Variants in IQGAP3 observed in about 807,000 individuals in gnomAD.
IQGAP3 encodes the protein ras GTPase-activating-like protein IQGAP3.
A neutral mutation model predicts 208.2 loss-of-function variants in IQGAP3; 165 were observed. The observed-to-expected ratio is 0.79, with a 90% confidence interval of 0.70 to 0.90. The LOEUF (loss-of-function observed/expected upper bound fraction) is 0.90, where lower values mean the gene tolerates loss of function less well. IQGAP3 is among the 40% of genes least tolerant of loss of function. The pLI is 0.00. For synonymous variants in IQGAP3, 703 were observed against 803.6 expected (o/e 0.87, Z 2.12); for missense variants, 1,811 against 2,043.1 (o/e 0.89, Z 2.19).
chr1:156,527,106 C>T (rs376585846), intron 37 of IQGAP3, among the ~76,000 whole-genome samples: 17 of 151,392 alleles, frequency 1.1e-4, no homozygotes, highest in Admixed American at 9.2e-4. Flanking sequence ...GCTGGGATTA[C>T]AGGCGTGAGC....
chr1:156,563,087 C>T, intron 8 of IQGAP3, 47 bp downstream of exon 8: 1 of 1,497,382 alleles, frequency 6.7e-7, no homozygotes, highest in Non-Finnish European at 9.0e-7. Flanking sequence ...TTGAGACTTT[C>T]CAGCCACTCA....
intron 19 of IQGAP3, among the ~76,000 whole-genome samples, chr1:156,546,751 G>C (rs935354898): frequency 6.6e-6 from 1 of 152,166 alleles, no homozygotes; most frequent in Admixed American, 6.5e-5. Flanking sequence ...AGGACCAGGA[G>C]GCAAACTCTA....
At chr1:156,563,392 A>G in intron 7 of IQGAP3, 80 bp from the exon 8 acceptor site, 2 of 1,454,566 alleles carry the variant, frequency 1.4e-6, no homozygotes, top group Admixed American at 4.3e-5. Flanking sequence ...GCCCACTCTA[A>G]TGTCATCCTT....
intron 12 of IQGAP3, among the ~76,000 whole-genome samples, chr1:156,556,060 T>C (rs369765620): frequency 1.3e-5 from 2 of 152,236 alleles, no homozygotes; most frequent in East Asian, 1.9e-4. Context: ...TCTGCTCTTC[T>C]CTCCCTGTGT....
At chr1:156,549,221 G>A (rs980242406) in intron 16 of IQGAP3, among the ~76,000 whole-genome samples, 11 of 152,206 alleles carry the variant, frequency 7.2e-5, no homozygotes, top group African/African-American at 2.7e-4. Context: ...AGCTCTTTGG[G>A]AGGCTTAGGC....
intron 34 of IQGAP3, among the ~76,000 whole-genome samples, chr1:156,529,647 G>A (rs748518039): frequency 6.6e-6 from 1 of 151,998 alleles, no homozygotes; most frequent in Non-Finnish European, 1.5e-5. Flanking sequence ...TTGGCTGGGT[G>A]CAGTGGCTCA....
chr1:156,529,238 C>A (rs1674262214), intron 34 of IQGAP3, among the ~76,000 whole-genome samples, 156 bp from the exon 35 acceptor site: 1 of 152,218 alleles, frequency 6.6e-6, no homozygotes, highest in Non-Finnish European at 1.5e-5. Flanking sequence ...GATGGTATTC[C>A]AAATCCTCAA....
At position 156,538,847 on chromosome 1, in the gene IQGAP3, G is replaced by A. The variant is rs1674835212; in HGVS notation, c.3243C>T (p.Asn1081=). The change falls in exon 26 of 38, where the codon AAC becomes AAT. Residue 1081 remains asparagine, a synonymous_variant. Transcript: ENST00000361170. The stretch of plus-strand genomic sequence containing the variant: ...TCTGGGCCTCAGTCTGGTTGATCCA[G>A]TTCTTATAGAGGTGGACAGGGTCTG... ...VHTDPVHLYK[N]WINQTEAQTG... The A allele has an allele frequency of 4.3e-6, 7 of 1,614,062 alleles. No individual in the cohort carries two copies. The highest frequency in any genetic ancestry group is 3.3e-5 in the South Asian group (3 of 91,078).
rs1267437861 is a variant in IQGAP3, at chr1:156,555,550, ATGT to A, written c.1290+980_1290+982del. Reference sequence around the variant, plus strand: ...CCCCTTCCTATTTTCTCCTAACAGAATGTTGTGAATATCAACAACAATAATATT... The same window carrying A: ...CCCCTTCCTATTTTCTCCTAACAGAATGTGAATATCAACAACAATAATATT... On this transcript the variant is annotated intron_variant, in intron 12 of 37. Transcript: ENST00000361170. Among the ~76,000 whole-genome samples the A allele has an allele frequency of 3.9e-5, 6 of 152,222 alleles. No homozygotes were observed. The South Asian group carries it at 1.2e-3, about 32-fold the overall frequency.
chr1:156,530,876 C>A lies in IQGAP3; in HGVS notation c.4191+284G>T, dbSNP rs537674989. The stretch of plus-strand genomic sequence containing the variant: ...GTGCAGGCCTTCCAGGGGAGCATTC[C>A]CAGACGGTCTCTCAGTGCCCCCCAT... On this transcript the variant is annotated intron_variant, in intron 33 of 37. Coordinates refer to ENST00000361170, the MANE Select transcript of IQGAP3 (RefSeq NM_178229.5). Among the ~76,000 whole-genome samples the A allele has an allele frequency of 2.8e-4, 43 of 152,300 alleles. No homozygotes were observed. The South Asian group carries it at 4.4e-3, about 15-fold the overall frequency.
intron 12 of IQGAP3, among the ~76,000 whole-genome samples, chr1:156,555,564 A>T (rs1675787532): frequency 6.6e-6 from 1 of 152,172 alleles, no homozygotes; most frequent in Admixed American, 6.5e-5. Context: ...TGTGAATATC[A>T]ACAACAATAA....
chr1:156,548,100 G>A lies in IQGAP3; in HGVS notation c.2277C>T (p.Thr759=), dbSNP rs1303752227. 3 of 1,613,528 alleles carry A rather than the reference G, an allele frequency of 1.9e-6. No homozygotes were observed. In the African/African-American group the frequency reaches 4.0e-5, roughly 22 times the overall value. The change falls in exon 19 of 38, where the codon ACC becomes ACT. Residue 759 remains threonine (T), a synonymous_variant. Transcript: ENST00000361170. ...KFAEHSHFLR[T]WLPAVIKIQA... Reference sequence around the variant, plus strand: ...GGATCTTGATGACTGCTGGGAGCCAGGTCCTCAGAAAGTGGGAATGCTCAG... The same window carrying A: ...GGATCTTGATGACTGCTGGGAGCCAAGTCCTCAGAAAGTGGGAATGCTCAG...
At chr1:156,538,281 C>T (rs867660884) in intron 26 of IQGAP3, among the ~76,000 whole-genome samples, 1 of 152,170 alleles carries the variant, frequency 6.6e-6, no homozygotes, top group African/African-American at 2.4e-5. Flanking sequence ...AGGATAGTCT[C>T]GATCTCCTGA....
At chr1:156,536,958 C>T (rs1182857183) in intron 27 of IQGAP3, 3 of 411,908 alleles carry the variant, frequency 7.3e-6, no homozygotes, top group South Asian at 1.3e-4. Context: ...CCACTGACAT[C>T]CTACCAGGCC....
intron 22 of IQGAP3, among the ~76,000 whole-genome samples, chr1:156,542,337 C>T (rs2102387047): frequency 6.6e-6 from 1 of 152,032 alleles, no homozygotes; most frequent in South Asian, 2.1e-4. Context: ...TTACAGGTAC[C>T]TGTCACCATG....
rs888574154 is a variant in IQGAP3, at chr1:156,563,398, TC to T, written c.620-87del. On this transcript the variant is annotated intron_variant, in intron 7 of 37. Coordinates refer to ENST00000361170, the MANE Select transcript of IQGAP3 (RefSeq NM_178229.5). ...CCAGTAGCAGCCCACTCTAATGTCA[TC>T]CTTTTTCCCACCCTCAAGGGCCAGA... 1.5e-5 allele frequency: 22 copies of T among 1,439,682 alleles called. No homozygotes were observed. The African/African-American group carries it at 3.0e-4, about 20-fold the overall frequency. 89.2% of individuals were successfully genotyped at this position (1,439,682 alleles called of 1,614,324 possible).
chr1:156,530,096 G>A lies in IQGAP3; in HGVS notation c.4404+9C>T. 5.7e-6 allele frequency: 9 copies of A among 1,586,360 alleles called. No homozygotes were observed. Among genetic ancestry groups the A allele is most frequent in the Non-Finnish European group, 7.7e-6 (9 of 1,165,240 alleles). ...CACAGGCACACGGAGCCCAGGCCCA[G>A]GTTGTTACCTTGGCCAGCTCGTCCA... is the stretch of plus-strand genomic sequence containing the variant. On this transcript the variant is annotated intron_variant, in intron 34 of 37. Transcript: ENST00000361170.
At position 156,537,310 on chromosome 1, in the gene IQGAP3, T is replaced by C. The variant is rs1268516135; in HGVS notation, c.3293A>G (p.Tyr1098Cys). Residue 1098 changes from tyrosine (Y) to cysteine (C), a missense_variant, in exon 27 of 38, where the codon TAT becomes TGT. By Grantham distance (194) the Tyr-to-Cys change is radical. Transcript: ENST00000361170. The part of the protein sequence containing the change: ...AQTGQRSHLP[Y>C]DVTPEQALSH... The stretch of plus-strand genomic sequence containing the variant: ...CAAGGCCTGCTCCGGGGTGACATCA[T>C]ATGGGAGATGGCTATGAGCAGAGAG... 1.2e-6 allele frequency: 2 copies of C among 1,613,028 alleles called. No homozygotes were observed. Among genetic ancestry groups the C allele is most frequent in the Non-Finnish European group, 1.7e-6 (2 of 1,179,540 alleles).
At chr1:156,568,355 C>T (rs1676497158) in intron 2 of IQGAP3, among the ~76,000 whole-genome samples, 1 of 150,420 alleles carries the variant, frequency 6.6e-6, no homozygotes, top group African/African-American at 2.5e-5. Context: ...GCTGGGATTA[C>T]AGGCATGCAC....
Sources: allele counts gnomAD v4.1 joint callset (sites outside exome capture counted in the v4.1 genomes callset), GRCh38; gene constraint gnomAD v4.1.1; transcripts MANE v1.5; gene names NCBI Gene and HGNC (gene_info 2026-07-23, HGNC 2026-07-21).